Variants in FBXO36 observed in about 807,000 individuals in gnomAD.
The protein encoded by FBXO36 is F-box only protein 36.
In FBXO36, 18 loss-of-function variants were observed where a neutral mutation model predicts 17.0. The observed-to-expected ratio is 1.06, with a 90% CI of 0.73 to 1.57. FBXO36 has a LOEUF of 1.57. Ranked by LOEUF, FBXO36 falls within the 40% of genes most tolerant of loss-of-function variation. The probability of loss-of-function intolerance (pLI) is 0.00; values close to 1 mark genes in which losing one functional copy is unlikely to be tolerated. For missense variants in FBXO36, 229 were observed against 221.9 expected (o/e 1.03, Z -0.20); for synonymous variants, 83 against 85.3 (o/e 0.97, Z 0.15).
intron 1 of FBXO36, among the ~76,000 whole-genome samples, chr2:229,932,353 T>C (rs1464979886): frequency 6.6e-6 from 1 of 152,094 alleles, no homozygotes; most frequent in African/African-American, 2.4e-5. Context: ...AAACCCAGTC[T>C]CTACTAAAAG....
chr2:229,928,146 A>AT (rs1158731450), intron 1 of FBXO36, among the ~76,000 whole-genome samples: 3 of 152,184 alleles, frequency 2.0e-5, no homozygotes, highest in African/African-American at 7.2e-5. Flanking sequence ...TTGTAAAAAC[A>AT]TTTTTCCATG....
chr2:229,950,224 G>A (rs569861360), intron 1 of FBXO36, among the ~76,000 whole-genome samples: 1 of 152,012 alleles, frequency 6.6e-6, no homozygotes, highest in Non-Finnish European at 1.5e-5. Context: ...TCAGGGGTTC[G>A]AGACCAGCCT....
intron 1 of FBXO36, among the ~76,000 whole-genome samples, chr2:229,946,584 A>C (rs2077028108): frequency 6.6e-6 from 1 of 152,244 alleles, no homozygotes; most frequent in South Asian, 2.1e-4. Context: ...ATAAGCAACA[A>C]GACATTGAAG....
chr2:229,963,126 C>A (rs911773692), intron 1 of FBXO36, among the ~76,000 whole-genome samples: 2 of 151,498 alleles, frequency 1.3e-5, no homozygotes, highest in Non-Finnish European at 2.9e-5. Flanking sequence ...AGTGCTGTGG[C>A]ATGATCTCTG....
intron 3 of FBXO36, among the ~76,000 whole-genome samples, chr2:229,997,788 C>G (rs2077335342): frequency 6.6e-6 from 1 of 152,112 alleles, no homozygotes; most frequent in African/African-American, 2.4e-5. Flanking sequence ...CAGAATGACC[C>G]AAGAGCAGGA....
chr2:229,957,500 C>A (rs1229289034), intron 1 of FBXO36, among the ~76,000 whole-genome samples: 1 of 152,122 alleles, frequency 6.6e-6, no homozygotes, highest in East Asian at 1.9e-4. Flanking sequence ...TTGCTTGAAC[C>A]CGGGATGCGG....
chr2:229,970,702 T>G (rs2106190039), intron 1 of FBXO36, among the ~76,000 whole-genome samples: 1 of 152,310 alleles, frequency 6.6e-6, no homozygotes, highest in East Asian at 1.9e-4. Flanking sequence ...ACTCAGATCC[T>G]GAAGATAGAT....
rs1249756528 is a variant in FBXO36, at chr2:230,011,090, C to T, written c.*206C>T. 2.6e-5 allele frequency: 14 copies of T among 537,050 alleles called. 1 individual carries two copies. In the South Asian group the frequency reaches 3.6e-4, roughly 14 times the overall value. 33.3% of individuals were successfully genotyped at this position (537,050 alleles called of 1,614,324 possible). On this transcript the variant is annotated 3_prime_UTR_variant, in exon 4 of 4. Coordinates refer to ENST00000283946, the MANE Select transcript of FBXO36 (RefSeq NM_174899.5). Reference sequence around the variant, plus strand: ...AGTCACCGTCATTCTGAGGTCAAATCATGGCCCGAGGACAAGGGCTGTAAG... The same window carrying T: ...AGTCACCGTCATTCTGAGGTCAAATTATGGCCCGAGGACAAGGGCTGTAAG...
intron 1 of FBXO36, among the ~76,000 whole-genome samples, chr2:229,941,002 C>A (rs1284568014): frequency 2.6e-5 from 4 of 152,120 alleles, no homozygotes; most frequent in Non-Finnish European, 5.9e-5. Context: ...TCCAAGCCTC[C>A]ACCTGAGATA....
Position 229,947,501 on chromosome 2 carries a change from G to T in FBXO36, c.96+24892G>T, listed in dbSNP as rs543137049. 5.9e-5 allele frequency among the ~76,000 whole-genome samples: 9 copies of T among 152,304 alleles called. No individual in the cohort carries two copies. In the East Asian group the frequency reaches 1.4e-3, roughly 23 times the overall value. ...ATGCCACCCCAAGGATTTGGGCCATGGGGAAGAAAAAGGGATCACATCGAC... is the reference window on the plus strand; with the variant it reads ...ATGCCACCCCAAGGATTTGGGCCATTGGGAAGAAAAAGGGATCACATCGAC... On this transcript the variant is annotated intron_variant, in intron 1 of 3. Transcript: ENST00000283946.
chr2:229,986,008 C>T lies in FBXO36; in HGVS notation c.205+9659C>T, dbSNP rs954912710. On this transcript the variant is annotated intron_variant, in intron 2 of 3. Coordinates refer to ENST00000283946, the MANE Select transcript of FBXO36 (RefSeq NM_174899.5). ...GCTGTAGCTAGCCATGATTGTGCCA[C>T]TATACTCCAGGCTGGGGGACAGGAT... Among the ~76,000 whole-genome samples, 79 of 152,088 alleles carry T rather than the reference C, an allele frequency of 5.2e-4. 2 individuals carry two copies. Among genetic ancestry groups the T allele is most frequent in the Admixed American group, 5.1e-3 (78 of 15,236 alleles).
chr2:229,954,527 G>A (rs1314271067), intron 1 of FBXO36, among the ~76,000 whole-genome samples: 1 of 146,038 alleles, frequency 6.8e-6, no homozygotes, highest in African/African-American at 2.5e-5. Flanking sequence ...ACAGGCATGA[G>A]CCACTGCACC....
intron 1 of FBXO36, among the ~76,000 whole-genome samples, chr2:229,953,209 GGC>G (rs2077066401): frequency 6.6e-6 from 1 of 151,948 alleles, no homozygotes; most frequent in African/African-American, 2.4e-5. Context: ...CGTGGTGGTA[GGC>G]GCCTGTAATC....
At chr2:229,976,879 A>G (rs960727023) in intron 2 of FBXO36, 3 of 152,226 alleles carry the variant, frequency 2.0e-5, no homozygotes, top group Non-Finnish European at 2.9e-5. Context: ...AAAATCAAGT[A>G]AATATAGTTT....
chr2:229,978,475 C>T (rs1380610148), intron 2 of FBXO36, among the ~76,000 whole-genome samples: 3 of 150,772 alleles, frequency 2.0e-5, no homozygotes, highest in Non-Finnish European at 4.4e-5. Context: ...TAATCCTAGC[C>T]ACTCAGGAGG....
intron 3 of FBXO36, among the ~76,000 whole-genome samples, chr2:230,007,418 C>T (rs540476317): frequency 3.0e-4 from 45 of 152,260 alleles, no homozygotes; most frequent in African/African-American, 1.1e-3. Flanking sequence ...TCTACAAACC[C>T]TCTATGATCA....
At chr2:229,924,998 G>T (rs1372785526) in intron 1 of FBXO36, among the ~76,000 whole-genome samples, 1 of 151,882 alleles carries the variant, frequency 6.6e-6, no homozygotes, top group Middle Eastern at 3.2e-3. Flanking sequence ...TCTATCTCCT[G>T]GCATTACAGG....
chr2:229,946,343 G>A (rs1403975181), intron 1 of FBXO36, among the ~76,000 whole-genome samples: 1 of 152,138 alleles, frequency 6.6e-6, no homozygotes, highest in Non-Finnish European at 1.5e-5. Context: ...CTTTGCTTAT[G>A]CTACTCCTCC....
chr2:229,923,424 C>A (rs1050633996), intron 1 of FBXO36, among the ~76,000 whole-genome samples: 1 of 152,186 alleles, frequency 6.6e-6, no homozygotes, highest in African/African-American at 2.4e-5. Context: ...TTACGCCTGT[C>A]ACTGAGTTAT....
Sources: gnomAD v4.1 joint callset for allele counts (sites outside exome capture counted in the v4.1 genomes callset) on GRCh38, gnomAD v4.1.1 for gene constraint, MANE v1.5 for transcripts, NCBI Gene and HGNC (gene_info 2026-07-23, HGNC 2026-07-21) for gene names.